Variants in PARN observed in about 807,000 individuals in gnomAD.
PARN encodes poly(A)-specific ribonuclease PARN.
A neutral mutation model predicts 102.8 loss-of-function variants in PARN; 71 were observed. The ratio of observed to expected loss-of-function variants is 0.69; its 90% CI spans 0.57 to 0.84. PARN has a LOEUF of 0.84. PARN is among the 40% of genes least tolerant of loss of function. The pLI, the probability that PARN is intolerant of heterozygous loss-of-function variation, is 0.00. For missense variants in PARN, 782 were observed against 760.9 expected (o/e 1.03, Z -0.33); for synonymous variants, 261 against 252.9 (o/e 1.03, Z -0.30).
chr16:14,536,564 G>A (rs529659556), intron 21 of PARN, among the ~76,000 whole-genome samples: 4 of 152,162 alleles, frequency 2.6e-5, no homozygotes, highest in African/African-American at 9.6e-5. Context: ...TGTGCTGTGC[G>A]ATCTTGATCC....
At chr16:14,469,025 C>G (rs1444280065) in intron 22 of PARN, among the ~76,000 whole-genome samples, 13 of 152,006 alleles carry the variant, frequency 8.6e-5, no homozygotes, top group Non-Finnish European at 1.8e-4. Context: ...GGGTCTGGTA[C>G]AGTGGCTCAC....
intron 18 of PARN, among the ~76,000 whole-genome samples, chr16:14,568,988 G>T (rs993619762): frequency 6.6e-6 from 1 of 152,008 alleles, no homozygotes; most frequent in Admixed American, 6.6e-5. Context: ...GAGGTGGGCG[G>T]ATCACTTGAG....
At chr16:14,553,347 G>A (rs529527574) in intron 20 of PARN, among the ~76,000 whole-genome samples, 5 of 150,790 alleles carry the variant, frequency 3.3e-5, no homozygotes, top group Admixed American at 6.6e-5. Flanking sequence ...TACTCTAAAC[G>A]TTAAAATACA....
intron 12 of PARN, among the ~76,000 whole-genome samples, chr16:14,595,993 C>T (rs1316918883): frequency 6.6e-6 from 1 of 152,158 alleles, no homozygotes; most frequent in East Asian, 1.9e-4. Context: ...TCCACACACA[C>T]ATACATATAC....
intron 18 of PARN, among the ~76,000 whole-genome samples, chr16:14,557,423 A>G (rs1967759583): frequency 6.6e-6 from 1 of 151,876 alleles, no homozygotes; most frequent in South Asian, 2.1e-4. Context: ...TGGGCATGGT[A>G]GCAGGCACCT....
chr16:14,616,574 T>C (rs1053679725), intron 6 of PARN, among the ~76,000 whole-genome samples: 4 of 152,162 alleles, frequency 2.6e-5, no homozygotes, highest in Admixed American at 2.6e-4. Flanking sequence ...CGAAATCCCA[T>C]TTCTACAAAA....
intron 21 of PARN, among the ~76,000 whole-genome samples, chr16:14,540,767 C>T (rs1966810558): frequency 6.6e-6 from 1 of 151,956 alleles, no homozygotes; most frequent in African/African-American, 2.4e-5. Context: ...GCCTGGGCAA[C>T]ATGGCAAATC....
intron 11 of PARN, among the ~76,000 whole-genome samples, chr16:14,601,053 A>G (rs1267774952): frequency 3.3e-5 from 5 of 152,222 alleles, no homozygotes; most frequent in Non-Finnish European, 5.9e-5. Flanking sequence ...GCAGCTAAGG[A>G]AAACAGTATG....
At chr16:14,518,291 CAAAAAAAAAAAAAAA>C (rs34169116) in intron 21 of PARN, among the ~76,000 whole-genome samples, 1 of 52,264 alleles carries the variant, frequency 1.9e-5, no homozygotes, top group East Asian at 6.3e-4. Flanking sequence ...GACCCTGTCT[CAAAAAAAAAAAAAAA>C]AAAAAAAAAA....
At chr16:14,489,240 A>G (rs1184252021) in intron 21 of PARN, among the ~76,000 whole-genome samples, 1 of 152,162 alleles carries the variant, frequency 6.6e-6, no homozygotes, top group Non-Finnish European at 1.5e-5. Flanking sequence ...GTAATTTATT[A>G]GTAATGTTTT....
chr16:14,458,906 C>T (rs911052598), intron 22 of PARN, among the ~76,000 whole-genome samples: 8 of 152,224 alleles, frequency 5.3e-5, no homozygotes, highest in Non-Finnish European at 7.4e-5. Context: ...AATGAGCTGA[C>T]GAAATGGGGT....
chr16:14,500,531 C>G (rs1158320163), intron 21 of PARN, among the ~76,000 whole-genome samples: 1 of 152,092 alleles, frequency 6.6e-6, no homozygotes, highest in Non-Finnish European at 1.5e-5. Flanking sequence ...GCAGCCAGGG[C>G]TATAGGCACG....
chr16:14,551,967 G>C (rs1967332210), intron 21 of PARN, 54 bp downstream of exon 21: 1 of 1,182,294 alleles, frequency 8.5e-7, no homozygotes, highest in Admixed American at 1.8e-5. Context: ...GGGGCAGTGG[G>C]AGGGCAACCT....
chr16:14,480,040 T>C (rs146540291), intron 22 of PARN, among the ~76,000 whole-genome samples: 2 of 152,028 alleles, frequency 1.3e-5, no homozygotes, highest in East Asian at 3.9e-4. Context: ...TTATGAAAAT[T>C]AAAAGTATTT....
chr16:14,570,321 CAAAAAAAAAAAAA>C (rs59965954), intron 18 of PARN, among the ~76,000 whole-genome samples: 10 of 63,072 alleles, frequency 1.6e-4, no homozygotes, highest in Admixed American at 2.8e-4. Flanking sequence ...GACTCTGTCT[CAAAAAAAAAAAAA>C]AAAAAAAAAA....
intron 21 of PARN, among the ~76,000 whole-genome samples, chr16:14,519,082 A>G (rs1596558904): frequency 1.3e-5 from 2 of 151,916 alleles, no homozygotes; most frequent in East Asian, 3.9e-4. Context: ...GAATGATTAT[A>G]TGATATTCTA....
chr16:14,480,185 T>A (rs1191775715), intron 22 of PARN, among the ~76,000 whole-genome samples: 2 of 151,974 alleles, frequency 1.3e-5, no homozygotes, highest in East Asian at 3.9e-4. Context: ...AAACAAAAAT[T>A]ACGCGGGCGT....
chr16:14,610,765 GCT>G lies in PARN; in HGVS notation c.431_432del (p.Glu144AlafsTer3). 6.2e-7 allele frequency: 1 copy of G among 1,610,734 alleles called. No homozygotes were observed. Among genetic ancestry groups the G allele is most frequent in the Non-Finnish European group, 8.5e-7 (1 of 1,177,008 alleles). Reference protein sequence around the residue: ...LNQEEERQLREQYDEKRSQAN... With the variant: ...LNQEEERQLRXQYDEKRSQAN... ...GCCTGTGAACGTTTTTCATCATACT[GCT>G]CTCTTAACTGTCTTTCTTCTTCCTG... is the stretch of plus-strand genomic sequence containing the variant. On this transcript the variant is annotated frameshift_variant, in exon 7 of 24. Coordinates refer to ENST00000437198, the MANE Select transcript of PARN (RefSeq NM_002582.4). LOFTEE classifies it high-confidence loss of function.
At chr16:14,494,394 G>T (rs1235013725) in intron 21 of PARN, among the ~76,000 whole-genome samples, 1 of 152,172 alleles carries the variant, frequency 6.6e-6, no homozygotes, top group Admixed American at 6.5e-5. Context: ...AGCTTGCTCT[G>T]GAGTTTCCCA....
Sources: gnomAD v4.1 joint callset for allele counts (sites outside exome capture counted in the v4.1 genomes callset) on GRCh38, gnomAD v4.1.1 for gene constraint, MANE v1.5 for transcripts, NCBI Gene and HGNC (gene_info 2026-07-23, HGNC 2026-07-21) for gene names.